Variants in SIPA1L3 observed in about 807,000 individuals in gnomAD.
SIPA1L3 encodes signal induced proliferation associated 1 like 3.
A neutral mutation model predicts 150.1 loss-of-function variants in SIPA1L3; 59 were observed. The observed-to-expected ratio is 0.39, with a 90% CI of 0.32 to 0.49. The LOEUF is 0.49. Among genes scored for constraint, SIPA1L3 ranks in the 20% least tolerant of loss-of-function variants. The pLI, the probability that SIPA1L3 is intolerant of heterozygous loss-of-function variation, is 0.86. For synonymous variants in SIPA1L3, 1,070 were observed against 1,077.6 expected, an observed-to-expected ratio of 0.99 and a Z score of 0.14; for missense variants, 2,211 against 2,489.5, an observed-to-expected ratio of 0.89 and a Z score of 2.38.
intron 1 of SIPA1L3, among the ~76,000 whole-genome samples, chr19:37,947,608 C>T (rs1481157444): frequency 6.6e-6 from 1 of 152,108 alleles, no homozygotes. Context: ...GTGAGCCAGG[C>T]CCTGGTCTGT....
At chr19:37,952,909 T>C (rs546031393) in intron 1 of SIPA1L3, among the ~76,000 whole-genome samples, 6 of 152,148 alleles carry the variant, frequency 3.9e-5, no homozygotes, top group African/African-American at 1.4e-4. Flanking sequence ...TCCTGGGTGA[T>C]TGCATACACT....
chr19:38,084,701 G>A (rs533869736), intron 3 of SIPA1L3, among the ~76,000 whole-genome samples: 1 of 146,480 alleles, frequency 6.8e-6, no homozygotes, highest in African/African-American at 2.5e-5. Context: ...GTACAGTGGC[G>A]CGATCTCAGC....
intron 2 of SIPA1L3, among the ~76,000 whole-genome samples, chr19:38,040,733 T>C (rs1035451076): frequency 6.6e-6 from 1 of 152,268 alleles, no homozygotes; most frequent in African/African-American, 2.4e-5. Flanking sequence ...TTGTTTAAAT[T>C]GGTTAAACGT....
intron 1 of SIPA1L3, among the ~76,000 whole-genome samples, chr19:38,011,475 T>C (rs1968096119): frequency 6.6e-6 from 1 of 151,864 alleles, no homozygotes; most frequent in Non-Finnish European, 1.5e-5. Context: ...GACCCTGTCT[T>C]GAAAAAAGAA....
chr19:38,182,574 G>A lies in SIPA1L3; in HGVS notation c.4264G>A (p.Glu1422Lys). 2 of 1,614,162 alleles carry A rather than the reference G, an allele frequency of 1.2e-6. No individual in the cohort carries two copies. Among genetic ancestry groups the A allele is most frequent in the Non-Finnish European group, 1.7e-6 (2 of 1,180,020 alleles). Residue 1422 changes from glutamate to lysine, a missense_variant, in exon 16 of 22, where the codon GAG becomes AAG. Physicochemically the swap from Glu to Lys is moderately conservative, Grantham distance 56. Coordinates refer to ENST00000222345, the MANE Select transcript of SIPA1L3 (RefSeq NM_015073.3). ...PAQVYKTASAETPRPSQLAQP... is the reference protein window; with the variant it reads ...PAQVYKTASAKTPRPSQLAQP... ...TCAGGTTTACAAAACTGCCAGTGCA[G>A]AGACTCCTCGGCCCTCCCAGCTGGC...
At chr19:37,938,711 C>G (rs1205253896) in intron 1 of SIPA1L3, among the ~76,000 whole-genome samples, 1 of 150,982 alleles carries the variant, frequency 6.6e-6, no homozygotes, top group Non-Finnish European at 1.5e-5. Flanking sequence ...GCAACTGCAC[C>G]TGCTGGGTTC....
At chr19:37,976,481 G>A (rs1447389788) in intron 1 of SIPA1L3, among the ~76,000 whole-genome samples, 1 of 152,128 alleles carries the variant, frequency 6.6e-6, no homozygotes, top group African/African-American at 2.4e-5. Context: ...AGGTTCTTGG[G>A]TTGCAAGCAA....
chr19:38,072,707 G>A (rs1388976954), intron 2 of SIPA1L3, among the ~76,000 whole-genome samples: 1 of 152,240 alleles, frequency 6.6e-6, no homozygotes, highest in Non-Finnish European at 1.5e-5. Flanking sequence ...CCCATTGGGT[G>A]GCCATTGGAG....
intron 9 of SIPA1L3, among the ~76,000 whole-genome samples, chr19:38,121,977 T>TGG (rs1204112540): frequency 6.6e-6 from 1 of 151,910 alleles, no homozygotes; most frequent in Non-Finnish European, 1.5e-5. Flanking sequence ...TCCCAGCACT[T>TGG]GGGGAGGCCG....
Position 38,164,417 on chromosome 19 carries a change from G to T in SIPA1L3, c.3781-62G>T. On this transcript the variant is annotated intron_variant, in intron 14 of 21. Transcript: ENST00000222345. The surrounding 1 kb of genome is among the most constrained non-coding windows in gnomAD (Gnocchi z 4.1). ...TCAGGCCCAGGCAGAGGGAGGACCC[G>T]GCAAGGGAAGATGCGCCCCTGCCCT... 1 of 1,501,378 alleles carries T rather than the reference G, an allele frequency of 6.7e-7. No individual in the cohort carries two copies. Among genetic ancestry groups the T allele is most frequent in the South Asian group, 1.2e-5 (1 of 80,094 alleles). The allele number at this position is 1,501,378 out of a possible 1,614,324, so 93.0% of individuals were successfully genotyped here. A position where few individuals can be genotyped will look rare whatever the true frequency, so the allele number is the denominator to read the frequency against.
chr19:37,999,181 G>A (rs1967722626), intron 1 of SIPA1L3, among the ~76,000 whole-genome samples: 1 of 152,138 alleles, frequency 6.6e-6, no homozygotes, highest in Non-Finnish European at 1.5e-5. Flanking sequence ...TCAGCAACTG[G>A]ACAGATAGTG....
chr19:38,128,394 CCAAA>C (rs1403075363), intron 9 of SIPA1L3, among the ~76,000 whole-genome samples: 1 of 152,128 alleles, frequency 6.6e-6, no homozygotes, highest in Non-Finnish European at 1.5e-5. Context: ...AAATCAGGAA[CCAAA>C]CAGATTCAGT....
At position 38,164,210 on chromosome 19, in the gene SIPA1L3, G is replaced by A. The variant is rs111619293; in HGVS notation, c.3781-269G>A. 5.0e-3 allele frequency among the ~76,000 whole-genome samples: 760 copies of A among 152,280 alleles called. 5 individuals are homozygous for A. Among genetic ancestry groups the A allele is most frequent in the African/African-American group, 0.017 (720 of 41,558 alleles). On this transcript the variant is annotated intron_variant, in intron 14 of 21. Transcript: ENST00000222345. This position sits in a 1 kb window ranked among gnomAD's most constrained non-coding sequence, Gnocchi z 4.1. ...GTCTTAGATTCGCTGAGTCTGAGAT[G>A]TGGGAAGCATGTTCTGTGCCTGATG...
At chr19:38,172,340 C>G (rs1429889701) in intron 15 of SIPA1L3, among the ~76,000 whole-genome samples, 2 of 152,206 alleles carry the variant, frequency 1.3e-5, no homozygotes, top group Non-Finnish European at 2.9e-5. Flanking sequence ...GGGACTGATT[C>G]TTCCAGTCAC....
chr19:38,144,615 T>C (rs762011852), intron 12 of SIPA1L3, among the ~76,000 whole-genome samples: 3 of 152,238 alleles, frequency 2.0e-5, no homozygotes, highest in East Asian at 1.9e-4. Context: ...TCTTGTTCAA[T>C]TGGAGAAACA....
intron 15 of SIPA1L3, among the ~76,000 whole-genome samples, chr19:38,180,212 T>G (rs1184893028): frequency 6.6e-6 from 1 of 152,242 alleles, no homozygotes; most frequent in African/African-American, 2.4e-5. Context: ...GCCTTCATTT[T>G]TCAAGGATGG....
chr19:38,099,099 G>A lies in SIPA1L3; in HGVS notation c.1666-863G>A, dbSNP rs543138960. On this transcript the variant is annotated intron_variant, in intron 4 of 21. Transcript: ENST00000222345. ...TGCCCAGACTGGAGTGCAGTGGCGCGATCTTGGCTCACTGCAACCTCCGCC... is the reference window on the plus strand; with the variant it reads ...TGCCCAGACTGGAGTGCAGTGGCGCAATCTTGGCTCACTGCAACCTCCGCC... 1.3e-3 allele frequency among the ~76,000 whole-genome samples: 200 copies of A among 151,766 alleles called. 2 individuals are homozygous for A. Among genetic ancestry groups the A allele is most frequent in the African/African-American group, 4.5e-3 (186 of 41,348 alleles).
chr19:38,036,533 C>T (rs1292470629), intron 2 of SIPA1L3, among the ~76,000 whole-genome samples: 1 of 152,208 alleles, frequency 6.6e-6, no homozygotes, highest in African/African-American at 2.4e-5. Flanking sequence ...GAGTGCTTGG[C>T]CCATTCCCCG....
At chr19:38,050,226 C>A (rs933930018) in intron 2 of SIPA1L3, among the ~76,000 whole-genome samples, 4 of 152,154 alleles carry the variant, frequency 2.6e-5, no homozygotes, top group African/African-American at 9.7e-5. Flanking sequence ...GAGGCCGAGG[C>A]AGGTGGATCA....
Sources: gnomAD v4.1 joint callset for allele counts (sites outside exome capture counted in the v4.1 genomes callset) on GRCh38, gnomAD v4.1.1 for gene constraint, Gnocchi (gnomAD v3.1) non-coding constraint, MANE v1.5 for transcripts, NCBI Gene and HGNC (gene_info 2026-07-23, HGNC 2026-07-21) for gene names.